Variants in SLC33A2 observed in about 807,000 individuals in gnomAD.
The protein encoded by SLC33A2 is major facilitator superfamily domain containing 3.
At chr8:144,509,298 C>A in the SLC33A2 span, 3 of 1,426,840 alleles carry the variant, frequency 2.1e-6, no homozygotes, top group South Asian at 3.0e-5. Context: ...CCACCTGGAA[C>A]CCGACCTCCC....
the SLC33A2 span, chr8:144,509,097 C>G: frequency 7.5e-5 from 33 of 442,548 alleles, no homozygotes; most frequent in Non-Finnish European, 9.4e-5. Context: ...CCGCCGGCCG[C>G]CGGTGTCCGG....
chr8:144,509,649 C>G, the SLC33A2 span: 28 of 1,545,500 alleles, frequency 1.8e-5, 1 homozygote, highest in Admixed American at 4.2e-4. Flanking sequence ...GGGGTTGCTG[C>G]TGTTGTTGAA....
the SLC33A2 span, chr8:144,510,531 GC>G: frequency 6.2e-7 from 1 of 1,611,920 alleles, no homozygotes; most frequent in African/African-American, 1.3e-5. Flanking sequence ...AGTGTACCCT[GC>G]CCACCCACTT....
chr8:144,510,926 C>T, the SLC33A2 span: 18 of 1,601,072 alleles, frequency 1.1e-5, no homozygotes, highest in Admixed American at 1.8e-4. Context: ...AGCAGGGACA[C>T]AAGAGAGACC....
the SLC33A2 span, chr8:144,509,597 C>A: frequency 2.6e-6 from 4 of 1,543,638 alleles, no homozygotes; most frequent in South Asian, 2.4e-5. Flanking sequence ...CCGGGCTGCC[C>A]CCTCCTGGAG....
At chr8:144,509,916 C>T in the SLC33A2 span, 39 of 1,567,942 alleles carry the variant, frequency 2.5e-5, no homozygotes, top group Non-Finnish European at 3.3e-5. Flanking sequence ...ACAGCAGCCC[C>T]CTTCCGAGCA....
At chr8:144,510,350 A>G in the SLC33A2 span, 1 of 1,611,082 alleles carries the variant, frequency 6.2e-7, no homozygotes, top group Non-Finnish European at 8.5e-7. Context: ...TGCCCCCCCC[A>G]CCACCCAAGG....
the SLC33A2 span, chr8:144,510,945 G>A: frequency 1.0e-5 from 16 of 1,599,554 alleles, no homozygotes; most frequent in African/African-American, 1.1e-4. Flanking sequence ...CCACGGGGCT[G>A]GGGCTGTGTG....
the SLC33A2 span, chr8:144,510,738 TGAG>T: frequency 1.3e-5 from 21 of 1,600,930 alleles, no homozygotes; most frequent in East Asian, 3.8e-4. Flanking sequence ...GGGCTGGCCT[TGAG>T]GAGGAAGAGA....
At chr8:144,509,738 C>T in the SLC33A2 span, 3 of 1,567,468 alleles carry the variant, frequency 1.9e-6, no homozygotes, top group Non-Finnish European at 1.7e-6. Flanking sequence ...TGGGGCCGGG[C>T]AATACCGTGC....
At chr8:144,510,357 A>G in the SLC33A2 span, 3 of 1,611,698 alleles carry the variant, frequency 1.9e-6, no homozygotes, top group Admixed American at 5.0e-5. Context: ...CCCACCACCC[A>G]AGGTGAGCAG....
At chr8:144,509,631 G>A in the SLC33A2 span, 1 of 1,568,572 alleles carries the variant, frequency 6.4e-7, no homozygotes, top group Non-Finnish European at 8.6e-7. Context: ...GCTGCCCGCC[G>A]CTGTGGCGGG....
the SLC33A2 span, chr8:144,509,409 C>T: frequency 2.6e-4 from 404 of 1,528,098 alleles, no homozygotes; most frequent in Non-Finnish European, 3.3e-4. Flanking sequence ...GTCCGGCCTC[C>T]TGCCAGTGCT....
the SLC33A2 span, chr8:144,510,198 C>T: frequency 7.7e-7 from 1 of 1,300,942 alleles, no homozygotes; most frequent in East Asian, 2.5e-5. Context: ...CCAGCTCTAG[C>T]CCCATCCCTG....
the SLC33A2 span, chr8:144,510,030 G>A: frequency 6.3e-7 from 1 of 1,587,286 alleles, no homozygotes. Flanking sequence ...GTGAGGCCTC[G>A]AGCCAGGCAA....
chr8:144,510,276 G>A, the SLC33A2 span: 2 of 1,573,792 alleles, frequency 1.3e-6, no homozygotes, highest in South Asian at 2.3e-5. Context: ...GGAGAGCAGG[G>A]CAGGACTGAG....
chr8:144,509,614 A>C, the SLC33A2 span: 2 of 1,555,800 alleles, frequency 1.3e-6, no homozygotes, highest in Non-Finnish European at 1.7e-6. Context: ...GGAGCTGGCC[A>C]GGCCGGGCTG....
At chr8:144,509,890 C>T in the SLC33A2 span, 3 of 1,548,536 alleles carry the variant, frequency 1.9e-6, no homozygotes, top group South Asian at 1.2e-5. Flanking sequence ...GCTGCACCAG[C>T]CCTGCGGCGG....
the SLC33A2 span, chr8:144,509,368 A>T: frequency 6.7e-7 from 1 of 1,499,770 alleles, no homozygotes; most frequent in Non-Finnish European, 8.8e-7. Flanking sequence ...GCCGGCCTCT[A>T]CCTGGTGCAG....
Sources: allele counts gnomAD v4.1 joint callset, GRCh38; gene constraint gnomAD v4.1.1; transcripts MANE v1.5; gene names NCBI Gene and HGNC (gene_info 2026-07-23, HGNC 2026-07-21).